The following RPS6KC1 variants were observed in gnomAD, a reference collection of about 807,000 sequenced individuals.
The protein encoded by RPS6KC1 is inactive ribosomal protein S6 kinase delta-1.
A neutral mutation model predicts 103.8 loss-of-function variants in RPS6KC1; 54 were observed. That is an observed-to-expected ratio of 0.52 (90% CI 0.42 to 0.65). The LOEUF is 0.65. RPS6KC1 is among the 30% of genes least tolerant of loss of function. RPS6KC1 has a pLI of 0.00. For synonymous variants in RPS6KC1, 439 were observed against 438.7 expected, an observed-to-expected ratio of 1.00 and a Z score of -0.01; for missense variants, 1,151 against 1,253.8, an observed-to-expected ratio of 0.92 and a Z score of 1.24.
intron 6 of RPS6KC1, among the ~76,000 whole-genome samples, chr1:213,143,046 G>A (rs780659185): frequency 1.3e-4 from 20 of 151,956 alleles, no homozygotes; most frequent in African/African-American, 4.8e-4. Context: ...AGACATCGTG[G>A]CCTTTACTAC....
chr1:213,724,124 G>T, the RPS6KC1 span, among the ~76,000 whole-genome samples: 2 of 152,186 alleles, frequency 1.3e-5, no homozygotes, highest in Non-Finnish European at 2.9e-5. Flanking sequence ...GTCTTGCTCA[G>T]TCGCCCAGGC....
Position 213,092,783 on chromosome 1 carries a change from A to C in RPS6KC1, c.263-11671A>C, listed in dbSNP as rs369615792. ...TTTAGTAAGATCCTGTGTATGTGTAAATAAACATATATGAATCATACCTAT... is the reference window on the plus strand; with the variant it reads ...TTTAGTAAGATCCTGTGTATGTGTACATAAACATATATGAATCATACCTAT... On this transcript the variant is annotated intron_variant, in intron 3 of 14. Coordinates refer to ENST00000366960, the MANE Select transcript of RPS6KC1 (RefSeq NM_012424.6). Among the ~76,000 whole-genome samples, 19 of 152,338 alleles carry C rather than the reference A, an allele frequency of 1.2e-4. No individual in the cohort carries two copies. In the East Asian group the frequency reaches 2.9e-3, roughly 23 times the overall value.
the RPS6KC1 span, among the ~76,000 whole-genome samples, chr1:213,846,015 G>A: frequency 5.9e-5 from 9 of 151,742 alleles, no homozygotes; most frequent in South Asian, 6.3e-4. Flanking sequence ...AGGGCAGGCC[G>A]GGCGGGGTGG....
the RPS6KC1 span, among the ~76,000 whole-genome samples, chr1:213,343,137 A>C: frequency 1.3e-5 from 2 of 152,042 alleles, no homozygotes; most frequent in Non-Finnish European, 2.9e-5. Context: ...AATGATTTTT[A>C]GAATTGAAAA....
chr1:213,599,449 G>A, the RPS6KC1 span, among the ~76,000 whole-genome samples: 1 of 147,560 alleles, frequency 6.8e-6, no homozygotes, highest in Non-Finnish European at 1.5e-5. Flanking sequence ...AAAAAAAAGA[G>A]TGTCACTTCT....
the RPS6KC1 span, among the ~76,000 whole-genome samples, chr1:213,761,368 G>A: frequency 6.6e-6 from 1 of 152,094 alleles, no homozygotes; most frequent in Non-Finnish European, 1.5e-5. Context: ...CCAATATCTG[G>A]GGCAATTTCT....
At chr1:213,360,854 C>T in the RPS6KC1 span, among the ~76,000 whole-genome samples, 21 of 152,184 alleles carry the variant, frequency 1.4e-4, no homozygotes, top group African/African-American at 2.4e-4. Flanking sequence ...GTATCAGCAG[C>T]GGAGGCTGCA....
the RPS6KC1 span, among the ~76,000 whole-genome samples, chr1:213,486,146 T>C: frequency 3.9e-5 from 6 of 152,306 alleles, no homozygotes; most frequent in East Asian, 7.7e-4. Flanking sequence ...AGATAATCTT[T>C]TCTTGATCTT....
Position 213,129,632 on chromosome 1 carries a change from T to G in RPS6KC1, c.578T>G (p.Phe193Cys), listed in dbSNP as rs745404182. The change falls in exon 6 of 15, where the codon TTT becomes TGT. Residue 193 changes from phenylalanine to cysteine, a missense_variant. Phe to Cys is a radical substitution (Grantham distance 205, BLOSUM62 -2). Transcript: ENST00000366960. ...ASNQNSPIRT[F>C]GLNLSSDSSA... Reference sequence around the variant, plus strand: ...AATCAAAATTCTCCCATTAGAACTTTTGGTCTCAATCTTTCTTCGGATTCT... The same window carrying G: ...AATCAAAATTCTCCCATTAGAACTTGTGGTCTCAATCTTTCTTCGGATTCT... 1 of 1,614,052 alleles carries G rather than the reference T, an allele frequency of 6.2e-7. No homozygotes were observed. The highest frequency in any genetic ancestry group is 1.7e-5 in the Admixed American group (1 of 59,990).
At chr1:213,847,415 G>C in the RPS6KC1 span, among the ~76,000 whole-genome samples, 5 of 152,200 alleles carry the variant, frequency 3.3e-5, no homozygotes, top group East Asian at 9.6e-4. Flanking sequence ...ACCAGATTTA[G>C]TGGTGGTACT....
In RPS6KC1 at chr1:213,129,810, A is replaced by G; in HGVS notation, c.756A>G (p.Lys252=). The change falls in exon 6 of 15, where the codon AAA becomes AAG. Residue 252 remains lysine, a synonymous_variant. Transcript: ENST00000366960. ...GAGAATTAATAAAGCTGGCTTTAAAAAAGGAAGAAGAAGACGACTATGAAG... is the reference window on the plus strand; with the variant it reads ...GAGAATTAATAAAGCTGGCTTTAAAGAAGGAAGAAGAAGACGACTATGAAG... ...KAGELIKLAL[K]KEEEDDYEAA... 1 of 1,613,898 alleles carries G rather than the reference A, an allele frequency of 6.2e-7. No individual in the cohort carries two copies. The highest frequency in any genetic ancestry group is 8.5e-7 in the Non-Finnish European group (1 of 1,179,952).
At chr1:213,148,836 A>G (rs1022614956) in intron 6 of RPS6KC1, among the ~76,000 whole-genome samples, 3 of 152,058 alleles carry the variant, frequency 2.0e-5, no homozygotes, top group Admixed American at 6.5e-5. Flanking sequence ...ATTTTTTACT[A>G]TGGCTTCAAT....
At chr1:213,151,656 A>G (rs1212417766) in intron 6 of RPS6KC1, among the ~76,000 whole-genome samples, 24 of 53,416 alleles carry the variant, frequency 4.5e-4, no homozygotes, top group Admixed American at 9.3e-4. Context: ...GGGGCTCCTC[A>G]CTTCCCAGTA....
At chr1:213,365,222 A>G in the RPS6KC1 span, among the ~76,000 whole-genome samples, 467 of 152,356 alleles carry the variant, frequency 3.1e-3, 1 homozygote, top group Middle Eastern at 6.8e-3. Flanking sequence ...TGTATTTATC[A>G]TTAAAAATGT....
At chr1:213,744,772 GT>G in the RPS6KC1 span, among the ~76,000 whole-genome samples, 1 of 152,252 alleles carries the variant, frequency 6.6e-6, no homozygotes, top group Non-Finnish European at 1.5e-5. Context: ...GGATTTGTCT[GT>G]CTTTGTAGGG....
At chr1:213,584,234 C>A in the RPS6KC1 span, among the ~76,000 whole-genome samples, 1 of 152,186 alleles carries the variant, frequency 6.6e-6, no homozygotes, top group Non-Finnish European at 1.5e-5. Flanking sequence ...ACTGTGAGTC[C>A]TTTAAACCTC....
the RPS6KC1 span, among the ~76,000 whole-genome samples, chr1:213,564,836 C>G: frequency 2.6e-5 from 4 of 152,192 alleles, no homozygotes; most frequent in African/African-American, 9.7e-5. Flanking sequence ...GTTAACAATT[C>G]ACCGTAATAA....
chr1:213,551,279 A>C, the RPS6KC1 span, among the ~76,000 whole-genome samples: 2 of 152,182 alleles, frequency 1.3e-5, no homozygotes, highest in Non-Finnish European at 2.9e-5. Flanking sequence ...AGCTCTGGCA[A>C]GGACATAGGC....
At position 213,176,502 on chromosome 1, in the gene RPS6KC1, C is replaced by T. The variant is rs1485809670; in HGVS notation, c.1044+10C>T. 4 of 1,559,662 alleles carry T rather than the reference C, an allele frequency of 2.6e-6. No homozygotes were observed. The African/African-American group carries it at 5.4e-5, about 21-fold the overall frequency. The stretch of plus-strand genomic sequence containing the variant: ...TGGGGTGATTGACAAGGTAATTCTT[C>T]AGTGTCTCTTCAAGAGTTCAGTCAT... On this transcript the variant is annotated intron_variant, in intron 8 of 14. Transcript: ENST00000366960.
Sources: gnomAD v4.1 joint callset for allele counts (sites outside exome capture counted in the v4.1 genomes callset) on GRCh38, gnomAD v4.1.1 for gene constraint, MANE v1.5 for transcripts, NCBI Gene and HGNC (gene_info 2026-07-23, HGNC 2026-07-21) for gene names.